ANKK1: variants seen among roughly 807,000 people sequenced by gnomAD.
The protein encoded by ANKK1 is ankyrin repeat and protein kinase domain-containing protein 1.
In ANKK1, 37 loss-of-function variants were observed where a neutral mutation model predicts 37.6. The ratio of observed to expected loss-of-function variants is 0.98; its 90% CI spans 0.76 to 1.29. The LOEUF is 1.29. Among genes scored for constraint, ANKK1 ranks in the 50% most tolerant of loss-of-function variants. ANKK1 has a pLI of 0.00. For missense variants in ANKK1, 1,019 were observed against 990.6 expected (o/e 1.03, Z -0.39); for synonymous variants, 415 against 418.7 (o/e 0.99, Z 0.11).
At position 113,400,150 on chromosome 11, in the gene ANKK1, A is replaced by G; in HGVS notation, c.2181A>G (p.Thr727=). 6.2e-7 allele frequency: 1 copy of G among 1,602,674 alleles called. No individual in the cohort carries two copies. Among genetic ancestry groups the G allele is most frequent in the South Asian group, 1.1e-5 (1 of 89,486 alleles). ...QLDVQDGVSC[T]PLQLALRSRK... ...ACGTCCAGGATGGAGTGAGCTGCAC[A>G]CCCCTGCAACTGGCCCTCCGCAGCC... Residue 727 remains threonine (T), a synonymous_variant, in exon 8 of 8, where the codon ACA becomes ACG. Transcript: ENST00000303941.
chr11:113,395,316 A>G (rs750122749), intron 3 of ANKK1, 43 bp from the exon 4 acceptor site: 2 of 1,611,870 alleles, frequency 1.2e-6, no homozygotes, highest in Admixed American at 3.3e-5. Flanking sequence ...GTGATCTTGG[A>G]TGTTCAACTA....
chr11:113,387,877 G>A lies in ANKK1; in HGVS notation c.-8G>A, dbSNP rs775195626. On this transcript the variant is annotated 5_prime_UTR_variant, in exon 1 of 8. Coordinates refer to ENST00000303941, the MANE Select transcript of ANKK1 (RefSeq NM_178510.2). ...AGTGCGCGGCGCGGGGACAGGAAGA[G>A]AGGGGCAATGGCTGCCGACCCCACC... 2 of 1,527,716 alleles carry A rather than the reference G, an allele frequency of 1.3e-6. No homozygotes were observed. The highest frequency in any genetic ancestry group is 2.4e-5 in the South Asian group (2 of 82,784). The allele number at this position is 1,527,716 out of a possible 1,614,324, so 94.6% of individuals were successfully genotyped here. A position where few individuals can be genotyped will look rare whatever the true frequency, so the allele number is the denominator to read the frequency against.
chr11:113,396,289 G>A (rs1471827223), intron 5 of ANKK1, 67 bp downstream of exon 5: 6 of 1,585,346 alleles, frequency 3.8e-6, no homozygotes, highest in Admixed American at 3.4e-5. Context: ...AGATGACTGG[G>A]CACTCCTGGG....
chr11:113,393,107 T>C (rs1950600529), intron 1 of ANKK1, among the ~76,000 whole-genome samples: 1 of 152,220 alleles, frequency 6.6e-6, no homozygotes, highest in Non-Finnish European at 1.5e-5. Flanking sequence ...AAATGATGTT[T>C]TGAAGCAGAA....
chr11:113,399,250 T>C lies in ANKK1; in HGVS notation c.1281T>C (p.Asp427=), dbSNP rs780584250. 6.2e-7 allele frequency: 1 copy of C among 1,607,830 alleles called. No individual in the cohort carries two copies. The highest frequency in any genetic ancestry group is 1.7e-5 in the Admixed American group (1 of 59,310). ...CTGATGCCAACCGAGTGGATGAGGA[T>C]GGCTGGGCCCCACTGCACTTTGCAG... ...HGADANRVDE[D]GWAPLHFAAQ... is the part of the protein sequence containing the mutation. The change falls in exon 8 of 8, where the codon GAT becomes GAC. Residue 427 remains aspartate, a synonymous_variant. Transcript: ENST00000303941.
At chr11:113,392,900 AAAG>A (rs1393323048) in intron 1 of ANKK1, among the ~76,000 whole-genome samples, 33 of 152,210 alleles carry the variant, frequency 2.2e-4, no homozygotes, top group Admixed American at 1.8e-3. Context: ...GAGAGAGCAG[AAAG>A]AAGGAGTGAA....
At position 113,399,605 on chromosome 11, in the gene ANKK1, C is replaced by T. The variant is rs1235181980; in HGVS notation, c.1636C>T (p.Leu546=). Residue 546 remains leucine (L), a synonymous_variant, in exon 8 of 8, where the codon CTG becomes TTG. Coordinates refer to ENST00000303941, the MANE Select transcript of ANKK1 (RefSeq NM_178510.2). ...GGGCAAAGTGAGGGCCATCCAACACCTGCTGAAGAGTGGAGCGGTCCCTGA... is the reference window on the plus strand; with the variant it reads ...GGGCAAAGTGAGGGCCATCCAACACTTGCTGAAGAGTGGAGCGGTCCCTGA... ...ERGKVRAIQH[L]LKSGAVPDAL... The T allele has an allele frequency of 1.9e-6, 3 of 1,607,248 alleles. No individual in the cohort carries two copies. The Admixed American group carries it at 5.1e-5, about 27-fold the overall frequency.
chr11:113,395,426 GCT>G lies in ANKK1; in HGVS notation c.682+21_682+22del, dbSNP rs753749929. On this transcript the variant is annotated intron_variant, in intron 4 of 7. Coordinates refer to ENST00000303941, the MANE Select transcript of ANKK1 (RefSeq NM_178510.2). ...ATACTCAGGTAAGCAGGCGGCTGTGGCTCTGTGTTGGGGGCAGGAGGACCCCT... is the reference window on the plus strand; with the variant it reads ...ATACTCAGGTAAGCAGGCGGCTGTGGCTGTGTTGGGGGCAGGAGGACCCCT... 2 of 1,613,630 alleles carry G rather than the reference GCT, an allele frequency of 1.2e-6. No homozygotes were observed. Among genetic ancestry groups the G allele is most frequent in the African/African-American group, 1.3e-5 (1 of 75,012 alleles).
chr11:113,399,932 G>A lies in ANKK1; in HGVS notation c.1963G>A (p.Ala655Thr), dbSNP rs1298860683. ...GCAGTGTGGGGCTGACCCCAATGCT[G>A]CAGAGCAGTCAGGCTGGACACCCCT... ...LLQCGADPNAAEQSGWTPLHL... is the reference protein window; with the variant it reads ...LLQCGADPNATEQSGWTPLHL... The change falls in exon 8 of 8, where the codon GCA becomes ACA. Residue 655 changes from alanine to threonine, a missense_variant. Coordinates refer to ENST00000303941, the MANE Select transcript of ANKK1 (RefSeq NM_178510.2). The A allele has an allele frequency of 1.9e-6, 3 of 1,613,490 alleles. No homozygotes were observed. The African/African-American group carries it at 4.0e-5, about 22-fold the overall frequency.
rs1383326236 is a variant in ANKK1, at chr11:113,393,717, TG to T, written c.423del (p.Leu142SerfsTer90). On this transcript the variant is annotated frameshift_variant, in exon 2 of 8. Transcript: ENST00000303941. LOFTEE classifies it high-confidence loss of function. ...MNFLHSIKPP[L>X]LHLDLKPGNI... ...TTCCTGCACAGCATTAAGCCGCCTC[TG>T]CTCCACCTGGACCTCAAGCCGGGCA... is the stretch of plus-strand genomic sequence containing the variant. 1.2e-6 allele frequency: 2 copies of T among 1,613,548 alleles called. No homozygotes were observed. Among genetic ancestry groups the T allele is most frequent in the Admixed American group, 3.3e-5 (2 of 60,010 alleles).
chr11:113,393,709 G>A lies in ANKK1; in HGVS notation c.414G>A (p.Lys138=), dbSNP rs769944370. The A allele has an allele frequency of 3.1e-6, 5 of 1,613,682 alleles. No individual in the cohort carries two copies. Among genetic ancestry groups the A allele is most frequent in the Middle Eastern group, 1.6e-4 (1 of 6,062 alleles). ...CCATGAACTTCCTGCACAGCATTAA[G>A]CCGCCTCTGCTCCACCTGGACCTCA... ...SLAMNFLHSI[K]PPLLHLDLKP... Residue 138 remains lysine, a synonymous_variant, in exon 2 of 8, where the codon AAG becomes AAA. Coordinates refer to ENST00000303941, the MANE Select transcript of ANKK1 (RefSeq NM_178510.2).
chr11:113,391,584 G>A (rs549207924), intron 1 of ANKK1, among the ~76,000 whole-genome samples: 12 of 152,228 alleles, frequency 7.9e-5, no homozygotes, highest in South Asian at 2.1e-4. Context: ...TGTGGGAAGT[G>A]AGAGGAAGAA....
rs770514908 is a variant in ANKK1 at position 113,399,923 on chromosome 11, C to T, written c.1954C>T (p.Pro652Ser). Residue 652 changes from proline (P) to serine (S), a missense_variant, in exon 8 of 8, where the codon CCC (proline) becomes TCC (serine). By Grantham distance (74) the Pro-to-Ser change is moderately conservative (BLOSUM62 -1). Coordinates refer to ENST00000303941, the MANE Select transcript of ANKK1 (RefSeq NM_178510.2). ...VSALLQCGADPNAAEQSGWTP... is the reference protein window; with the variant it reads ...VSALLQCGADSNAAEQSGWTP... ...AGCACTGCTGCAGTGTGGGGCTGAC[C>T]CCAATGCTGCAGAGCAGTCAGGCTG... 9 of 1,613,592 alleles carry T rather than the reference C, an allele frequency of 5.6e-6. 1 individual carries two copies. In the South Asian group the frequency reaches 8.8e-5, roughly 16 times the overall value.
chr11:113,394,751 A>T lies in ANKK1; in HGVS notation c.481-178A>T, dbSNP rs555529266. 3.7e-6 allele frequency: 3 copies of T among 807,272 alleles called. No homozygotes were observed. In the South Asian group the frequency reaches 4.4e-5, roughly 12 times the overall value. The allele number at this position is 807,272 out of a possible 1,614,324, so 50.0% of individuals were successfully genotyped here. A position where few individuals can be genotyped will look rare whatever the true frequency, so the allele number is the denominator to read the frequency against. ...AGGTGAAGAAACTGAGGCTCTGAGA[A>T]GATAAGTAATTTGGCCAAGACCATC... On this transcript the variant is annotated intron_variant, in intron 2 of 7. Transcript: ENST00000303941.
intron 1 of ANKK1, among the ~76,000 whole-genome samples, chr11:113,388,417 A>G (rs1428911453): frequency 6.6e-6 from 1 of 152,104 alleles, no homozygotes; most frequent in African/African-American, 2.4e-5. Context: ...TCCTGTGGCA[A>G]TAACTGCTCT....
intron 1 of ANKK1, among the ~76,000 whole-genome samples, chr11:113,389,475 C>G (rs1950571999): frequency 6.6e-6 from 1 of 152,144 alleles, no homozygotes; most frequent in Admixed American, 6.5e-5. Flanking sequence ...ATGAATGCAA[C>G]AGATGTGTCC....
chr11:113,396,210 C>G lies in ANKK1; in HGVS notation c.826C>G (p.Pro276Ala). 1 of 1,613,910 alleles carries G rather than the reference C, an allele frequency of 6.2e-7. No homozygotes were observed. Among genetic ancestry groups the G allele is most frequent in the Middle Eastern group, 1.6e-4 (1 of 6,062 alleles). The part of the protein sequence containing the change: ...RCWDQDPKKR[P>A]CFLDITIETD... The stretch of plus-strand genomic sequence containing the variant: ...CTGGGACCAGGACCCCAAGAAGAGG[C>G]CATGCTTTCTAGGTGCTTATCCAGT... The change falls in exon 5 of 8, where the codon CCA becomes GCA. Residue 276 changes from proline to alanine, a missense_variant. Transcript: ENST00000303941.
chr11:113,393,199 G>A (rs188850620), intron 1 of ANKK1, among the ~76,000 whole-genome samples: 1 of 152,256 alleles, frequency 6.6e-6, no homozygotes, highest in East Asian at 1.9e-4. Flanking sequence ...TAGAATAAAG[G>A]GCAAACTGTG....
At chr11:113,388,238 A>G (rs1950562179) in intron 1 of ANKK1, among the ~76,000 whole-genome samples, 169 bp downstream of exon 1, 1 of 151,918 alleles carries the variant, frequency 6.6e-6, no homozygotes, top group Admixed American at 6.5e-5. Context: ...GCACACCCAT[A>G]CCTGTCTCCC....
Sources: allele counts gnomAD v4.1 joint callset (sites outside exome capture counted in the v4.1 genomes callset), GRCh38; gene constraint gnomAD v4.1.1; transcripts MANE v1.5; gene names NCBI Gene and HGNC (gene_info 2026-07-23, HGNC 2026-07-21).